MKLN1: variants seen among roughly 807,000 people sequenced by gnomAD.
MKLN1 encodes muskelin 1.
MKLN1 carries 18 observed loss-of-function variants against 99.0 expected under a neutral mutation model. That is an observed-to-expected ratio of 0.18 (90% confidence interval 0.13 to 0.27). MKLN1 has a LOEUF of 0.27. Among genes scored for constraint, MKLN1 ranks in the 10% least tolerant of loss-of-function variants. The pLI is 1.00. For missense variants in MKLN1, 621 were observed against 875.9 expected, an observed-to-expected ratio of 0.71 and a Z score of 3.67; for synonymous variants, 288 against 293.2, an observed-to-expected ratio of 0.98 and a Z score of 0.18.
chr7:131,165,273 C>T, intron 2 of MKLN1, among the ~76,000 whole-genome samples: 1 of 152,148 alleles, frequency 6.6e-6, no homozygotes, highest in Non-Finnish European at 1.5e-5. Context: ...GCAACCTCTG[C>T]CTCCCAGGTT....
intron 1 of MKLN1, among the ~76,000 whole-genome samples, chr7:131,115,115 A>G (rs770549865): frequency 1.5e-4 from 23 of 152,198 alleles, no homozygotes; most frequent in Non-Finnish European, 2.6e-4. Context: ...GTTCTTTTAT[A>G]TAAGAAGGAC....
At chr7:131,472,023 G>C (rs1471198671) in intron 16 of MKLN1, 1 of 152,246 alleles carries the variant, frequency 6.6e-6, no homozygotes, top group Non-Finnish European at 1.5e-5. Context: ...CCCCCATGAA[G>C]GGGGACAGTT....
At chr7:131,413,422 T>C (rs1202604144) in intron 7 of MKLN1, among the ~76,000 whole-genome samples, 2 of 152,206 alleles carry the variant, frequency 1.3e-5, no homozygotes, top group African/African-American at 4.8e-5. Context: ...GGGAAACTTA[T>C]TAGCCAAAGT....
At chr7:131,130,184 G>T (rs183729056) in intron 1 of MKLN1, among the ~76,000 whole-genome samples, 1 of 152,168 alleles carries the variant, frequency 6.6e-6, no homozygotes, top group East Asian at 1.9e-4. Context: ...CTGTATCTAG[G>T]GATACAAAAG....
Position 131,152,405 on chromosome 7 carries a change from C to T in MKLN1, c.-297+9464C>T, listed in dbSNP as rs370774512. The stretch of plus-strand genomic sequence containing the variant: ...ATTATCATATCTACATTAACTAATA[C>T]AATTTTTTAGTAGTATGAAATATTC... On this transcript the variant is annotated intron_variant, in intron 2 of 7. Coordinates refer to the MKLN1 transcript ENST00000416992. Among the ~76,000 whole-genome samples, 34 of 152,016 alleles carry T rather than the reference C, an allele frequency of 2.2e-4. 1 individual carries two copies. Among genetic ancestry groups the T allele is most frequent in the East Asian group, 1.9e-3 (10 of 5,176 alleles).
intron 2 of MKLN1, among the ~76,000 whole-genome samples, chr7:131,173,204 C>G (rs897439842): frequency 2.0e-5 from 3 of 151,658 alleles, no homozygotes; most frequent in Non-Finnish European, 2.9e-5. Context: ...AAATCTGTAG[C>G]TATCTGGGAG....
At chr7:131,410,911 A>T (rs1254237641) in intron 6 of MKLN1, among the ~76,000 whole-genome samples, 1 of 152,078 alleles carries the variant, frequency 6.6e-6, no homozygotes, top group African/African-American at 2.4e-5. Flanking sequence ...TTGCAGCCTT[A>T]AATTGTCTTA....
At position 131,491,526 on chromosome 7, in the gene MKLN1, G is replaced by A. The variant is rs1437928397; in HGVS notation, c.*3798G>A. On this transcript the variant is annotated 3_prime_UTR_variant, in exon 18 of 18. Transcript: ENST00000352689. ...TCTAGACCCTGGCTTCTATCTCCCT[G>A]TGATTTGTTTTAATGCTGAAATGAC... The A allele has an allele frequency of 6.6e-6, 1 of 152,126 alleles. No individual in the cohort carries two copies. The highest frequency in any genetic ancestry group is 1.5e-5 in the Non-Finnish European group (1 of 68,010). 9.4% of individuals were successfully genotyped at this position (152,126 alleles called of 1,614,324 possible).
chr7:131,269,260 A>G (rs548207321), intron 3 of MKLN1, among the ~76,000 whole-genome samples: 7 of 152,246 alleles, frequency 4.6e-5, no homozygotes, highest in Non-Finnish European at 1.0e-4. Flanking sequence ...GGTAACTCGT[A>G]AACAACAGAA....
intron 8 of MKLN1, among the ~76,000 whole-genome samples, chr7:131,415,071 T>A (rs1158754100): frequency 6.6e-6 from 1 of 151,816 alleles, no homozygotes; most frequent in Non-Finnish European, 1.5e-5. Flanking sequence ...TAAAAACTGT[T>A]CACAAGCCTG....
At chr7:131,121,653 A>AT (rs1185430025) in intron 1 of MKLN1, among the ~76,000 whole-genome samples, 1 of 150,556 alleles carries the variant, frequency 6.6e-6, no homozygotes, top group African/African-American at 2.4e-5. Context: ...AAAAAAAAAA[A>AT]AAAAAAAAAA....
intron 2 of MKLN1, among the ~76,000 whole-genome samples, chr7:131,169,838 A>G (rs1796190887): frequency 6.6e-6 from 1 of 152,226 alleles, no homozygotes. Context: ...AAGGAATTAA[A>G]TAGAATTTCC....
At chr7:131,435,021 A>C (rs1203145111) in intron 9 of MKLN1, among the ~76,000 whole-genome samples, 1 of 152,204 alleles carries the variant, frequency 6.6e-6, no homozygotes, top group Non-Finnish European at 1.5e-5. Context: ...ACATGTTATC[A>C]GATTGAAAGT....
At chr7:131,254,130 G>A (rs1797622602) in intron 3 of MKLN1, among the ~76,000 whole-genome samples, 1 of 152,216 alleles carries the variant, frequency 6.6e-6, no homozygotes, top group Admixed American at 6.5e-5. Flanking sequence ...CAGGGAAAGA[G>A]ACAGTCAAAG....
At chr7:131,292,536 A>G (rs868088272) in intron 3 of MKLN1, among the ~76,000 whole-genome samples, 5 of 152,224 alleles carry the variant, frequency 3.3e-5, no homozygotes, top group Non-Finnish European at 5.9e-5. Flanking sequence ...TCCTAATCCA[A>G]TCTGACTGCT....
intron 3 of MKLN1, among the ~76,000 whole-genome samples, chr7:131,270,263 C>T (rs573226357): frequency 1.4e-5 from 2 of 147,324 alleles, no homozygotes; most frequent in Middle Eastern, 7.5e-3. Context: ...CACTTTGTTG[C>T]CCAGGCTGGA....
chr7:131,402,589 A>G (rs983972471), intron 6 of MKLN1, among the ~76,000 whole-genome samples: 2 of 152,320 alleles, frequency 1.3e-5, no homozygotes, highest in Admixed American at 6.5e-5. Context: ...TGTGGCAACT[A>G]TAGCCTTACA....
chr7:131,208,692 T>TTCAA (rs1445036586), intron 3 of MKLN1, among the ~76,000 whole-genome samples: 15 of 152,372 alleles, frequency 9.8e-5, no homozygotes, highest in Non-Finnish European at 1.5e-4. Context: ...CCTTCATTTA[T>TTCAA]TCAATCATTC....
intron 2 of MKLN1, among the ~76,000 whole-genome samples, chr7:131,164,219 C>T (rs982714199): frequency 2.6e-5 from 4 of 152,186 alleles, no homozygotes; most frequent in African/African-American, 9.7e-5. Flanking sequence ...TCAAGCAACC[C>T]TCCCAACTCA....
Sources: allele counts gnomAD v4.1 joint callset (sites outside exome capture counted in the v4.1 genomes callset), GRCh38; gene constraint gnomAD v4.1.1; transcripts MANE v1.5; gene names NCBI Gene and HGNC (gene_info 2026-07-23, HGNC 2026-07-21).